The following ANGPT1 variants were observed in gnomAD, a reference collection of about 807,000 sequenced individuals.
The protein encoded by ANGPT1 is angiopoietin 1.
ANGPT1 carries 17 observed loss-of-function variants against 62.2 expected under a neutral mutation model. The ratio of observed to expected loss-of-function variants is 0.27; its 90% confidence interval spans 0.19 to 0.41. The LOEUF (loss-of-function observed/expected upper bound fraction) is 0.41, where lower values mean the gene tolerates loss of function less well. Among genes scored for constraint, ANGPT1 ranks in the 10% least tolerant of loss-of-function variants. ANGPT1 has a pLI of 1.00. For synonymous variants in ANGPT1, 199 were observed against 198.9 expected (o/e 1.00, Z 0.00); for missense variants, 478 against 594.9 (o/e 0.80, Z 2.04).
At chr8:107,394,126 A>G (rs1047249074) in intron 1 of ANGPT1, among the ~76,000 whole-genome samples, 3 of 152,158 alleles carry the variant, frequency 2.0e-5, no homozygotes, top group African/African-American at 7.2e-5. Flanking sequence ...GTATTTTCCT[A>G]AAGCTAGGGG....
intron 1 of ANGPT1, among the ~76,000 whole-genome samples, chr8:107,449,742 T>C (rs796076125): frequency 2.6e-5 from 4 of 152,268 alleles, no homozygotes; most frequent in African/African-American, 9.6e-5. Context: ...GTAATATTTA[T>C]TGATTTCTTA....
In ANGPT1 at chr8:107,497,445, A is replaced by G. The variant is rs1392275691; in HGVS notation, c.114T>C (p.His38=). ...GAATGAAAGTGTAGGCACATTGCCC[A>G]TGTTGAATCCGGTTATATCTTCTCC... ...NSGRRYNRIQ[H]GQCAYTFILP... is the part of the protein sequence containing the mutation. Residue 38 remains histidine (H), a synonymous_variant, in exon 1 of 9, where the codon CAT becomes CAC. Transcript: ENST00000517746. 2 of 1,614,050 alleles carry G rather than the reference A, an allele frequency of 1.2e-6. No homozygotes were observed. The highest frequency in any genetic ancestry group is 1.7e-6 in the Non-Finnish European group (2 of 1,180,032).
At chr8:107,370,528 A>G (rs1586264608) in intron 1 of ANGPT1, among the ~76,000 whole-genome samples, 1 of 140,716 alleles carries the variant, frequency 7.1e-6, no homozygotes, top group East Asian at 2.1e-4. Context: ...CCTGCCCAAC[A>G]TGGTCTCTAC....
chr8:107,261,699 C>T (rs1490626500), intron 8 of ANGPT1, among the ~76,000 whole-genome samples: 4 of 144,846 alleles, frequency 2.8e-5, no homozygotes, highest in East Asian at 4.1e-4. Flanking sequence ...AGCAAGACTC[C>T]ATCTAAAAAA....
intron 5 of ANGPT1, among the ~76,000 whole-genome samples, chr8:107,295,899 T>G (rs1814402500): frequency 6.6e-6 from 1 of 152,128 alleles, no homozygotes. Flanking sequence ...TTCTAATTTA[T>G]TCTCATGATA....
intron 1 of ANGPT1, among the ~76,000 whole-genome samples, chr8:107,430,921 C>G (rs903974668): frequency 6.6e-6 from 1 of 152,112 alleles, no homozygotes; most frequent in Non-Finnish European, 1.5e-5. Flanking sequence ...TCTGATGAAC[C>G]TCTTGGTATC....
chr8:107,416,978 A>G (rs527976344), intron 1 of ANGPT1, among the ~76,000 whole-genome samples: 1 of 152,148 alleles, frequency 6.6e-6, no homozygotes, highest in East Asian at 1.9e-4. Context: ...TTTAGTAGCG[A>G]CAGGGTTTCA....
intron 4 of ANGPT1, among the ~76,000 whole-genome samples, chr8:107,307,413 G>C (rs570271293): frequency 6.6e-6 from 1 of 152,146 alleles, no homozygotes; most frequent in Non-Finnish European, 1.5e-5. Flanking sequence ...ATTTCCTGTA[G>C]AGTGTATTGC....
intron 1 of ANGPT1, among the ~76,000 whole-genome samples, chr8:107,369,981 A>G (rs989406961): frequency 6.6e-6 from 1 of 151,742 alleles, no homozygotes. Flanking sequence ...CCACAAAAAC[A>G]TAAAATTTGC....
chr8:107,452,618 A>C (rs1254784125), intron 1 of ANGPT1, among the ~76,000 whole-genome samples: 1 of 151,926 alleles, frequency 6.6e-6, no homozygotes. Flanking sequence ...TTTGATGGCC[A>C]TATATTTAAT....
At chr8:107,334,808 T>C (rs560569694) in intron 3 of ANGPT1, among the ~76,000 whole-genome samples, 1 of 152,282 alleles carries the variant, frequency 6.6e-6, no homozygotes, top group South Asian at 2.1e-4. Context: ...TGCAGGAGAA[T>C]AAATGGTATA....
At chr8:107,406,885 CAAA>C (rs10628191) in intron 1 of ANGPT1, among the ~76,000 whole-genome samples, 1 of 141,838 alleles carries the variant, frequency 7.1e-6, no homozygotes. Context: ...ATTAAATCCT[CAAA>C]AAAAAAAAAA....
chr8:107,317,856 T>C (rs1247193585), intron 4 of ANGPT1, among the ~76,000 whole-genome samples: 1 of 152,034 alleles, frequency 6.6e-6, no homozygotes, highest in Admixed American at 6.6e-5. Context: ...GTCTTGAACT[T>C]CTGACCTCAA....
chr8:107,314,897 TAG>T (rs1814978921), intron 4 of ANGPT1, among the ~76,000 whole-genome samples: 1 of 152,250 alleles, frequency 6.6e-6, no homozygotes, highest in Non-Finnish European at 1.5e-5. Context: ...GTGATGTTTT[TAG>T]AGTCATTCTT....
intron 5 of ANGPT1, among the ~76,000 whole-genome samples, chr8:107,299,391 GTATATATATATATA>G (rs59247214): frequency 4.4e-5 from 5 of 112,596 alleles, no homozygotes; most frequent in Admixed American, 9.3e-5. Context: ...ATGAAGGAGT[GTATATATATATATA>G]TATATATATA....
chr8:107,474,366 C>A (rs887603558), intron 1 of ANGPT1, among the ~76,000 whole-genome samples: 1 of 152,072 alleles, frequency 6.6e-6, no homozygotes. Flanking sequence ...CAGAAAAGGC[C>A]TTTGACAAAA....
At chr8:107,423,194 CA>C (rs139547195) in intron 1 of ANGPT1, among the ~76,000 whole-genome samples, 5 of 152,252 alleles carry the variant, frequency 3.3e-5, no homozygotes, top group Non-Finnish European at 7.4e-5. Flanking sequence ...GACTATAAAT[CA>C]AGCCTACTTT....
chr8:107,318,840 T>C (rs1815083099), intron 4 of ANGPT1, among the ~76,000 whole-genome samples: 1 of 152,182 alleles, frequency 6.6e-6, no homozygotes, highest in African/African-American at 2.4e-5. Flanking sequence ...TCAGAACATT[T>C]ACAATCCACT....
intron 2 of ANGPT1, among the ~76,000 whole-genome samples, chr8:107,345,454 A>G (rs1288233952): frequency 6.6e-6 from 1 of 152,184 alleles, no homozygotes; most frequent in Non-Finnish European, 1.5e-5. Flanking sequence ...CTAGGTAGAC[A>G]GAGATTAAAA....
Sources: allele counts gnomAD v4.1 joint callset (sites outside exome capture counted in the v4.1 genomes callset), GRCh38; gene constraint gnomAD v4.1.1; transcripts MANE v1.5; gene names NCBI Gene and HGNC (gene_info 2026-07-23, HGNC 2026-07-21).